The following MIGA1 variants were observed in gnomAD, a reference collection of about 807,000 sequenced individuals.
MIGA1 encodes the protein mitoguardin 1.
MIGA1 carries 58 observed loss-of-function variants against 82.0 expected under a neutral mutation model. The observed-to-expected ratio is 0.71, with a 90% CI of 0.57 to 0.88. MIGA1 has a LOEUF of 0.88. MIGA1 is among the 40% of genes least tolerant of loss of function. The pLI, the probability that MIGA1 is intolerant of heterozygous loss-of-function variation, is 0.00. For synonymous variants in MIGA1, 249 were observed against 253.6 expected (o/e 0.98, Z 0.17); for missense variants, 751 against 749.1 (o/e 1.00, Z -0.03).
In MIGA1 at chr1:77,859,043, T is replaced by C; in HGVS notation, c.1102T>C (p.Ser368Pro). Residue 368 changes from serine to proline, a missense_variant, in exon 9 of 16, where the codon TCC becomes CCC. Transcript: ENST00000370791. ...TTTAGTTGAAGAAGGAAAAATTTAC[T>C]CCAGAGTACTGAGGTACCATTTCAG... 6.3e-7 allele frequency: 1 copy of C among 1,596,844 alleles called. No homozygotes were observed. Among genetic ancestry groups the C allele is most frequent in the Non-Finnish European group, 8.6e-7 (1 of 1,164,230 alleles).
chr1:77,801,513 G>C lies in MIGA1; in HGVS notation c.373+5G>C. 1 of 1,589,830 alleles carries C rather than the reference G, an allele frequency of 6.3e-7. No homozygotes were observed. Among genetic ancestry groups the C allele is most frequent in the Non-Finnish European group, 8.5e-7 (1 of 1,174,984 alleles). On this transcript the variant is annotated splice_donor_5th_base_variant and intron_variant, in intron 3 of 15. Transcript: ENST00000370791. Reference sequence around the variant, plus strand: ...AAAGAGCAGCATCAGACAAAGGTATGTGGAAATAGTTGAAGTAAGTGTACA... The same window carrying C: ...AAAGAGCAGCATCAGACAAAGGTATCTGGAAATAGTTGAAGTAAGTGTACA...
chr1:77,836,739 T>C (rs924014948), intron 7 of MIGA1, among the ~76,000 whole-genome samples: 1 of 152,156 alleles, frequency 6.6e-6, no homozygotes, highest in African/African-American at 2.4e-5. Flanking sequence ...TTTTACCCAT[T>C]ACATTACTGT....
At chr1:77,803,779 G>C (rs991884127) in intron 4 of MIGA1, among the ~76,000 whole-genome samples, 1 of 152,102 alleles carries the variant, frequency 6.6e-6, no homozygotes, top group Non-Finnish European at 1.5e-5. Flanking sequence ...GGGGGGTGGA[G>C]GGGAAGTGGA....
rs1646919428 is a variant in MIGA1, at chr1:77,879,515, T to TA, written c.*4452dup. 1 of 152,190 alleles carries TA rather than the reference T, an allele frequency of 6.6e-6. No individual in the cohort carries two copies. The highest frequency in any genetic ancestry group is 2.4e-5 in the African/African-American group (1 of 41,440). The allele number at this position is 152,190 out of a possible 1,614,324, so 9.4% of individuals were successfully genotyped here. A position where few individuals can be genotyped will look rare whatever the true frequency, so the allele number is the denominator to read the frequency against. On this transcript the variant is annotated 3_prime_UTR_variant, in exon 16 of 16. Transcript: ENST00000370791. ...CACTGTAACATGGATGTATTACTAT[T>TA]ACTGCCAAATAAAAAAGTGATGGTA...
At chr1:77,823,481 TTAAG>T (rs1371620079) in intron 7 of MIGA1, among the ~76,000 whole-genome samples, 6 of 152,246 alleles carry the variant, frequency 3.9e-5, no homozygotes, top group Non-Finnish European at 7.3e-5. Flanking sequence ...TAAGCTAAGC[TTAAG>T]TAAGTAGATT....
At chr1:77,831,594 T>C (rs773283918) in intron 7 of MIGA1, among the ~76,000 whole-genome samples, 2 of 152,196 alleles carry the variant, frequency 1.3e-5, no homozygotes, top group Non-Finnish European at 2.9e-5. Context: ...TCCACCAAAA[T>C]GTGGGATCCT....
intron 14 of MIGA1, among the ~76,000 whole-genome samples, chr1:77,870,919 CA>C (rs377316490): frequency 0.88 from 123,336 of 140,510 alleles, 54,183 homozygotes; most frequent in Middle Eastern, 0.92. Flanking sequence ...CCGTCTCCAC[CA>C]AAAAAAAAAA....
In MIGA1 at chr1:77,878,503, CT is replaced by C; in HGVS notation, c.*3443del. On this transcript the variant is annotated 3_prime_UTR_variant, in exon 16 of 16. Coordinates refer to ENST00000370791, the MANE Select transcript of MIGA1 (RefSeq NM_198549.4). Reference sequence around the variant, plus strand: ...TCTTTAAAAATGATTAGTTTAGAGCCTTTTAGGGTAAACCCTGTTTAAACAC... The same window carrying C: ...TCTTTAAAAATGATTAGTTTAGAGCCTTTAGGGTAAACCCTGTTTAAACAC... 5.1e-6 allele frequency: 1 copy of C among 196,300 alleles called. No individual in the cohort carries two copies. Among genetic ancestry groups the C allele is most frequent in the Non-Finnish European group, 1.0e-5 (1 of 98,418 alleles). The allele number at this position is 196,300 out of a possible 1,614,324, so 12.2% of individuals were successfully genotyped here.
chr1:77,801,625 G>T, intron 3 of MIGA1, 117 bp downstream of exon 3: 1 of 794,220 alleles, frequency 1.3e-6, no homozygotes, highest in South Asian at 2.4e-5. Flanking sequence ...TAACTCAAAA[G>T]TAGTACAGAT....
Position 77,871,118 on chromosome 1 carries a change from AG to A in MIGA1, c.1564-1883del, listed in dbSNP as rs1430786010. ...GGGGGAGAGGGAGAGGGAGAGGGAGAGGGAGAGGAGGGAGAGGGAGAGGGCA... is the reference window on the plus strand; with the variant it reads ...GGGGGAGAGGGAGAGGGAGAGGGAGAGGAGAGGAGGGAGAGGGAGAGGGCA... On this transcript the variant is annotated intron_variant, in intron 14 of 15. Coordinates refer to ENST00000370791, the MANE Select transcript of MIGA1 (RefSeq NM_198549.4). Among the ~76,000 whole-genome samples, 87 of 21,014 alleles carry A rather than the reference AG, an allele frequency of 4.1e-3. 2 individuals are homozygous for A. The highest frequency in any genetic ancestry group is 9.6e-3 in the South Asian group (2 of 208). 13.8% of individuals were successfully genotyped at this position (21,014 alleles called of 152,430 possible).
chr1:77,815,318 GTAA>G, intron 7 of MIGA1, 87 bp downstream of exon 7: 1 of 1,000,128 alleles, frequency 1.0e-6, no homozygotes, highest in South Asian at 3.5e-5. Flanking sequence ...TCTGTCTTAT[GTAA>G]TAATAGGTTA....
intron 8 of MIGA1, among the ~76,000 whole-genome samples, chr1:77,857,336 G>GT (rs1685299368): frequency 7.6e-6 from 1 of 132,004 alleles, no homozygotes; most frequent in South Asian, 2.5e-4. Flanking sequence ...TTTTTTTTTT[G>GT]TTTTTGCTTT....
At chr1:77,847,128 G>A (rs543240204) in intron 8 of MIGA1, 20 of 974,240 alleles carry the variant, frequency 2.1e-5, no homozygotes, top group South Asian at 1.9e-4. Context: ...TGGGCAGGCA[G>A]TATGGGTTTA....
chr1:77,824,453 G>A (rs1221591704), intron 7 of MIGA1, among the ~76,000 whole-genome samples: 2 of 152,192 alleles, frequency 1.3e-5, no homozygotes, highest in African/African-American at 4.8e-5. Context: ...AGCTAGTCAG[G>A]AGGCTGAGGC....
At chr1:77,866,310 A>C (rs1205079485) in intron 13 of MIGA1, 28 bp from the exon 14 acceptor site, 3 of 1,609,580 alleles carry the variant, frequency 1.9e-6, no homozygotes, top group Non-Finnish European at 2.6e-6. Flanking sequence ...GCTATATATA[A>C]ATCTTTCTTT....
At chr1:77,821,758 C>T (rs1337550967) in intron 7 of MIGA1, among the ~76,000 whole-genome samples, 1 of 152,140 alleles carries the variant, frequency 6.6e-6, no homozygotes, top group Non-Finnish European at 1.5e-5. Flanking sequence ...TTGTATCATT[C>T]TCTAATTTGG....
chr1:77,837,472 A>G (rs1684474881), intron 7 of MIGA1, among the ~76,000 whole-genome samples: 1 of 152,130 alleles, frequency 6.6e-6, no homozygotes. Context: ...TGTAGCAGCT[A>G]CTTGGCCTCT....
At chr1:77,838,233 T>C (rs1570979761) in intron 7 of MIGA1, among the ~76,000 whole-genome samples, 2 of 152,316 alleles carry the variant, frequency 1.3e-5, no homozygotes, top group East Asian at 3.9e-4. Flanking sequence ...ATGTAAAACA[T>C]TGCCAACTTT....
At chr1:77,812,542 G>A (rs891055521) in intron 5 of MIGA1, among the ~76,000 whole-genome samples, 1 of 152,164 alleles carries the variant, frequency 6.6e-6, no homozygotes, top group Non-Finnish European at 1.5e-5. Flanking sequence ...TGACTTGAGA[G>A]GAGAGGTATT....
Sources: allele counts gnomAD v4.1 joint callset (sites outside exome capture counted in the v4.1 genomes callset), GRCh38; gene constraint gnomAD v4.1.1; transcripts MANE v1.5; gene names NCBI Gene and HGNC (gene_info 2026-07-23, HGNC 2026-07-21).